The following FRMPD2 variants were observed in gnomAD, a reference collection of about 807,000 sequenced individuals.
The protein encoded by FRMPD2 is FERM and PDZ domain-containing protein 2.
A neutral mutation model predicts 140.1 loss-of-function variants in FRMPD2; 96 were observed. That is an observed-to-expected ratio of 0.69 (90% CI 0.58 to 0.81). FRMPD2 has a LOEUF of 0.81. FRMPD2 is among the 40% of genes least tolerant of loss of function. FRMPD2 has a pLI of 0.00. For missense variants in FRMPD2, 1,240 were observed against 1,447.4 expected (o/e 0.86, Z 2.32); for synonymous variants, 449 against 547.6 (o/e 0.82, Z 2.52).
chr10:48,244,294 T>C (rs748768282), intron 4 of FRMPD2, among the ~76,000 whole-genome samples: 8 of 152,232 alleles, frequency 5.3e-5, no homozygotes, highest in Non-Finnish European at 1.2e-4. Flanking sequence ...CAGGATAAAG[T>C]TAAGTTTCTA....
chr10:48,212,471 G>C (rs547327117), intron 12 of FRMPD2, among the ~76,000 whole-genome samples: 7 of 152,138 alleles, frequency 4.6e-5, no homozygotes, highest in African/African-American at 1.7e-4. Flanking sequence ...CACACCACTT[G>C]GAAGTGACAG....
At chr10:48,240,286 A>G (rs7092864) in intron 6 of FRMPD2, 74 bp downstream of exon 6, 94,349 of 1,486,528 alleles carry the variant, frequency 0.063, 6,387 homozygotes, top group African/African-American at 0.35. Flanking sequence ...GTGGATGTGT[A>G]GCCCATACAG....
At chr10:48,273,955 A>G (rs1297429847) in intron 1 of FRMPD2, among the ~76,000 whole-genome samples, 1 of 152,204 alleles carries the variant, frequency 6.6e-6, no homozygotes, top group African/African-American at 2.4e-5. Context: ...TAAGCATACA[A>G]ATAAAGCCAG....
chr10:48,190,358 C>A (rs562556249), intron 16 of FRMPD2, among the ~76,000 whole-genome samples: 1 of 152,188 alleles, frequency 6.6e-6, no homozygotes, highest in Admixed American at 6.5e-5. Context: ...GCCTCCCATC[C>A]TTTGACCAAA....
Position 48,185,658 on chromosome 10 carries a change from T to TC in FRMPD2, c.2267-14dup. 6.3e-7 allele frequency: 1 copy of TC among 1,599,240 alleles called. No homozygotes were observed. Among genetic ancestry groups the TC allele is most frequent in the Non-Finnish European group, 8.6e-7 (1 of 1,166,434 alleles). ...TTATTCTTTGAGCCTAGAGGTAGAA[T>TC]CAGAGCACCACATTGTGCTTTTCCC... is the stretch of plus-strand genomic sequence containing the variant. On this transcript the variant is annotated splice_polypyrimidine_tract_variant and intron_variant, in intron 17 of 28. Coordinates refer to ENST00000374201, the MANE Select transcript of FRMPD2 (RefSeq NM_001018071.4).
At chr10:48,227,267 C>T (rs1056148133) in intron 10 of FRMPD2, among the ~76,000 whole-genome samples, 4 of 151,906 alleles carry the variant, frequency 2.6e-5, no homozygotes, top group Non-Finnish European at 4.4e-5. Context: ...TGTGATTTAC[C>T]ACAAGGATAA....
chr10:48,251,907 G>T (rs563145008), intron 1 of FRMPD2: 1 of 540,798 alleles, frequency 1.8e-6, no homozygotes, highest in African/African-American at 1.9e-5. Flanking sequence ...TTGGCTGGTC[G>T]GTTCTCAGTG....
At position 48,192,688 on chromosome 10, in the gene FRMPD2, G is replaced by A. The variant is rs146233973; in HGVS notation, c.2161C>T (p.Arg721Cys). ...SKEAGAEGIG[R>C]SPCTGREQLK... ...GAACAAATGTGTCACACCCACCTGC[G>A]CCCGATGCCTTCTGCTCCAGCCTCC... The change falls in exon 16 of 29, where the codon CGC (arginine) becomes TGC (cysteine). Residue 721 changes from arginine (R) to cysteine (C), a missense_variant. Arg to Cys is a radical substitution (Grantham distance 180). This residue lies in a region of FRMPD2 where 1,161 missense variants were observed against 1,055.9 expected (regional missense o/e 1.10). Transcript: ENST00000374201. 225 of 1,613,778 alleles carry A rather than the reference G, an allele frequency of 1.4e-4. 2 individuals carry two copies. In the East Asian group the frequency reaches 1.4e-3, roughly 10 times the overall value.
rs1588843535 is a variant in FRMPD2, at chr10:48,231,322, T to C, written c.1168+793A>G. ...ATGAAAAATACCATAGAAACTTTTT[T>C]CCAAACCACAGCTTGCTACATGAGT... On this transcript the variant is annotated intron_variant, in intron 10 of 28. Coordinates refer to ENST00000374201, the MANE Select transcript of FRMPD2 (RefSeq NM_001018071.4). 2.0e-5 allele frequency among the ~76,000 whole-genome samples: 3 copies of C among 152,272 alleles called. No homozygotes were observed. In the South Asian group the frequency reaches 6.2e-4, roughly 32 times the overall value.
At chr10:48,199,895 G>T (rs1839042218) in intron 15 of FRMPD2, 1 of 152,016 alleles carries the variant, frequency 6.6e-6, no homozygotes, top group Non-Finnish European at 1.5e-5. Flanking sequence ...TTGGGGTCTG[G>T]CTCTTAAAAC....
Position 48,222,328 on chromosome 10 carries a change from G to T in FRMPD2, c.1440C>A (p.Gly480=). The T allele has an allele frequency of 6.2e-7, 1 of 1,613,984 alleles. No individual in the cohort carries two copies. The highest frequency in any genetic ancestry group is 1.3e-5 in the African/African-American group (1 of 75,020). The change falls in exon 12 of 29, where the codon GGC becomes GGA. Residue 480 remains glycine (G), a synonymous_variant. Transcript: ENST00000374201. ...LGVLALQAEF[G]NYPKEQVESK... The stretch of plus-strand genomic sequence containing the variant: ...TCACCCCTACCTCCTTAGGGTAATT[G>T]CCAAACTCAGCCTGCAAGGCAAGGA...
chr10:48,226,004 T>G (rs1050601106), intron 10 of FRMPD2, among the ~76,000 whole-genome samples: 35 of 152,336 alleles, frequency 2.3e-4, no homozygotes, highest in African/African-American at 7.5e-4. Flanking sequence ...GTTGGTTGTT[T>G]GTGTACAGAA....
At chr10:48,222,260 T>C (rs1839613412) in intron 12 of FRMPD2, 53 bp downstream of exon 12, 1 of 1,585,492 alleles carries the variant, frequency 6.3e-7, no homozygotes, top group Non-Finnish European at 8.6e-7. Context: ...GCCCTCATCC[T>C]GTAACTGTTT....
At chr10:48,200,893 T>C (rs948269862) in intron 15 of FRMPD2, among the ~76,000 whole-genome samples, 5 of 152,244 alleles carry the variant, frequency 3.3e-5, no homozygotes, top group African/African-American at 1.2e-4. Context: ...GCAGCAACTT[T>C]TGTGTATGTC....
At chr10:48,239,744 T>C (rs1840059663) in intron 6 of FRMPD2, 52 bp from the exon 7 acceptor site, 1 of 1,396,018 alleles carries the variant, frequency 7.2e-7, no homozygotes, top group African/African-American at 1.4e-5. Flanking sequence ...ATCACGGCTT[T>C]CTTAAATCAG....
intron 1 of FRMPD2, among the ~76,000 whole-genome samples, chr10:48,253,780 G>T (rs1840436081): frequency 6.6e-6 from 1 of 152,010 alleles, no homozygotes; most frequent in Admixed American, 6.6e-5. Flanking sequence ...CACCCATAAA[G>T]ATAATAACAT....
intron 27 of FRMPD2, among the ~76,000 whole-genome samples, chr10:48,163,894 C>A (rs1321977805): frequency 1.3e-5 from 2 of 150,852 alleles, no homozygotes; most frequent in Non-Finnish European, 2.9e-5. Flanking sequence ...TAAATGTGAG[C>A]CTTATTTTTA....
chr10:48,187,827 A>G (rs1838725469), intron 16 of FRMPD2, among the ~76,000 whole-genome samples: 1 of 152,126 alleles, frequency 6.6e-6, no homozygotes, highest in Non-Finnish European at 1.5e-5. Flanking sequence ...ATCATTGTAC[A>G]TGTTGTGTTG....
chr10:48,174,316 G>T (rs1436884507), intron 24 of FRMPD2, among the ~76,000 whole-genome samples: 3 of 141,868 alleles, frequency 2.1e-5, no homozygotes, highest in Non-Finnish European at 4.9e-5. Context: ...GTCACTGCGG[G>T]GCAGGGAATA....
Sources: allele counts gnomAD v4.1 joint callset (sites outside exome capture counted in the v4.1 genomes callset), GRCh38; gene constraint gnomAD v4.1.1; regional missense constraint gnomAD v4.1.1; transcripts MANE v1.5; gene names NCBI Gene and HGNC (gene_info 2026-07-23, HGNC 2026-07-21).